FKBP15: variants seen among roughly 807,000 people sequenced by gnomAD.
FKBP15 encodes the protein FKBP prolyl isomerase family member 15.
Under a neutral mutation model 158.1 loss-of-function variants are expected in FKBP15, and 106 were observed. The ratio of observed to expected loss-of-function variants is 0.67; its 90% CI spans 0.57 to 0.79. The LOEUF (loss-of-function observed/expected upper bound fraction) is 0.79, where lower values mean the gene tolerates loss of function less well. Ranked by LOEUF, FKBP15 falls within the 30% of genes least tolerant of loss-of-function variation. FKBP15 has a pLI of 0.00. For synonymous variants in FKBP15, 547 were observed against 548.6 expected (o/e 1.00, Z 0.04); for missense variants, 1,287 against 1,479.1 (o/e 0.87, Z 2.13).
chr9:113,195,220 T>C (rs1830653095), intron 9 of FKBP15, among the ~76,000 whole-genome samples: 1 of 152,214 alleles, frequency 6.6e-6, no homozygotes, highest in Non-Finnish European at 1.5e-5. Context: ...TATATACCAT[T>C]AAATTTCCCA....
intron 9 of FKBP15, among the ~76,000 whole-genome samples, chr9:113,196,190 CCAGT>C (rs1830678111): frequency 6.6e-6 from 1 of 151,918 alleles, no homozygotes; most frequent in African/African-American, 2.4e-5. Context: ...TAGGTTGTTG[CCAGT>C]TTTTTGCTAT....
At position 113,164,999 on chromosome 9, in the gene FKBP15, T is replaced by C. The variant is rs1386202550; in HGVS notation, c.*1079A>G. ...GAAGTGGAATTTTGGGTCCTATCTT[T>C]TAAAACATTTAAAATCAAGAAACAT... On this transcript the variant is annotated 3_prime_UTR_variant, in exon 28 of 28. Transcript: ENST00000238256. 1.3e-5 allele frequency: 2 copies of C among 152,190 alleles called. No individual in the cohort carries two copies. The highest frequency in any genetic ancestry group is 2.4e-5 in the African/African-American group (1 of 41,436). The allele number at this position is 152,190 out of a possible 1,614,324, so 9.4% of individuals were successfully genotyped here.
rs1830053970 is a variant in FKBP15, at chr9:113,163,731, GT to G, written c.*2346del. ...GCAGGAAGAAGATGATCTGATGGCC[GT>G]GGGTGTCTGGGAAGCTCTTCGTGGC... is the stretch of plus-strand genomic sequence containing the variant. On this transcript the variant is annotated 3_prime_UTR_variant, in exon 28 of 28. Coordinates refer to ENST00000238256, the MANE Select transcript of FKBP15 (RefSeq NM_015258.2). 6.6e-6 allele frequency: 1 copy of G among 152,442 alleles called. No individual in the cohort carries two copies. The highest frequency in any genetic ancestry group is 2.4e-5 in the African/African-American group (1 of 41,442). The allele number at this position is 152,442 out of a possible 1,614,324, so 9.4% of individuals were successfully genotyped here.
At chr9:113,218,377 T>TTATATATATA (rs10539484) in intron 1 of FKBP15, among the ~76,000 whole-genome samples, 1,481 of 100,966 alleles carry the variant, frequency 0.015, 28 homozygotes, top group African/African-American at 0.018. Flanking sequence ...GTAAATACAA[T>TTATATATATA]TATATATATA....
intron 1 of FKBP15, among the ~76,000 whole-genome samples, chr9:113,219,563 A>C (rs1831208012): frequency 6.6e-6 from 1 of 152,216 alleles, no homozygotes; most frequent in Non-Finnish European, 1.5e-5. Flanking sequence ...GCTGTTGTCT[A>C]TGTCTAGGAG....
intron 19 of FKBP15, among the ~76,000 whole-genome samples, chr9:113,179,241 T>C (rs1453658833): frequency 6.6e-6 from 1 of 152,178 alleles, no homozygotes; most frequent in Non-Finnish European, 1.5e-5. Flanking sequence ...TTCCTTATTA[T>C]CATTTGTCTC....
chr9:113,170,655 G>T, intron 24 of FKBP15, 26 bp from the exon 25 acceptor site: 1 of 1,550,030 alleles, frequency 6.5e-7, no homozygotes. Context: ...AACACATGCT[G>T]TCAAAATCAA....
chr9:113,177,482 C>T (rs1279941624), intron 20 of FKBP15, among the ~76,000 whole-genome samples: 1 of 152,166 alleles, frequency 6.6e-6, no homozygotes, highest in Non-Finnish European at 1.5e-5. Flanking sequence ...CCCAGTCATG[C>T]TCTAAAAGGG....
chr9:113,191,120 G>A (rs1202407660), intron 11 of FKBP15, among the ~76,000 whole-genome samples: 1 of 152,042 alleles, frequency 6.6e-6, no homozygotes, highest in Admixed American at 6.6e-5. Context: ...ACCTGAAGGT[G>A]CACAATATGA....
In FKBP15 at chr9:113,184,329, G is replaced by C; in HGVS notation, c.1679C>G (p.Thr560Arg). The change falls in exon 17 of 28, where the codon ACA (threonine) becomes AGA (arginine). Residue 560 changes from threonine (T) to arginine (R), a missense_variant. Thr to Arg is a moderately conservative substitution (Grantham distance 71). Coordinates refer to ENST00000238256, the MANE Select transcript of FKBP15 (RefSeq NM_015258.2). This position sits in a 1 kb window ranked among gnomAD's most constrained non-coding sequence, Gnocchi z 4.5. The stretch of plus-strand genomic sequence containing the variant: ...CTGGATGTTGCTCATAATCATGCTT[G>C]TTTCCATTGTAACTGACATGCTAGG... ...LIPSMSVTMETSMIMSNIQRI... is the reference protein window; with the variant it reads ...LIPSMSVTMERSMIMSNIQRI... The C allele has an allele frequency of 6.2e-7, 1 of 1,605,446 alleles. No homozygotes were observed. Among genetic ancestry groups the C allele is most frequent in the East Asian group, 2.2e-5 (1 of 44,736 alleles).
intron 14 of FKBP15, 45 bp downstream of exon 14, chr9:113,187,748 C>A: frequency 6.9e-7 from 1 of 1,455,862 alleles, no homozygotes; most frequent in East Asian, 2.3e-5. Context: ...TGACTAGAAC[C>A]ACAGCAAATT....
Position 113,170,515 on chromosome 9 carries a change from G to C in FKBP15, c.2766+7C>G. 1 of 1,583,202 alleles carries C rather than the reference G, an allele frequency of 6.3e-7. No homozygotes were observed. Among genetic ancestry groups the C allele is most frequent in the African/African-American group, 1.3e-5 (1 of 74,400 alleles). On this transcript the variant is annotated splice_region_variant and intron_variant, in intron 25 of 27. Transcript: ENST00000238256. Reference sequence around the variant, plus strand: ...CGATGAAACAAATGACAGCTGGCTGGCTGTACCTTGATCGTATTCATGATG... The same window carrying C: ...CGATGAAACAAATGACAGCTGGCTGCCTGTACCTTGATCGTATTCATGATG...
At chr9:113,169,137 A>G in intron 26 of FKBP15, 87 bp downstream of exon 26, 1 of 1,475,238 alleles carries the variant, frequency 6.8e-7, no homozygotes, top group Non-Finnish European at 9.0e-7. Context: ...TTAGTCTCTG[A>G]GGGATGAGTT....
At position 113,169,560 on chromosome 9, in the gene FKBP15, C is replaced by T. The variant is rs1371130266; in HGVS notation, c.3149G>A (p.Gly1050Asp). Residue 1050 changes from glycine to aspartate, a missense_variant, in exon 26 of 28, where the codon GGC becomes GAC. Coordinates refer to ENST00000238256, the MANE Select transcript of FKBP15 (RefSeq NM_015258.2). ...ACACTCAGAGTCCATGGATACAGGG[C>T]CTAGGGGCTCAGGTGGAATTGAAGT... The part of the protein sequence containing the change: ...PPTSIPPEPL[G>D]PVSMDSECEE... 2 of 1,613,910 alleles carry T rather than the reference C, an allele frequency of 1.2e-6. No individual in the cohort carries two copies. The highest frequency in any genetic ancestry group is 1.3e-5 in the African/African-American group (1 of 74,924).
intron 3 of FKBP15, chr9:113,206,923 C>G (rs771542112): frequency 9.6e-6 from 4 of 417,322 alleles, no homozygotes; most frequent in Non-Finnish European, 1.7e-5. Context: ...TTCCCTTACT[C>G]TTTAAATATA....
chr9:113,210,904 C>T (rs576695458), intron 2 of FKBP15, among the ~76,000 whole-genome samples: 1 of 152,206 alleles, frequency 6.6e-6, no homozygotes, highest in Non-Finnish European at 1.5e-5. Context: ...CTTGGACTTA[C>T]ACTAGCGGTT....
chr9:113,212,662 C>T (rs899800488), intron 1 of FKBP15, among the ~76,000 whole-genome samples: 1 of 152,150 alleles, frequency 6.6e-6, no homozygotes, highest in African/African-American at 2.4e-5. Flanking sequence ...TAATGCAATC[C>T]CTGGCTTGTT....
At chr9:113,167,627 C>A (rs771167624) in intron 27 of FKBP15, among the ~76,000 whole-genome samples, 2 of 152,196 alleles carry the variant, frequency 1.3e-5, no homozygotes, top group Non-Finnish European at 2.9e-5. Flanking sequence ...GCAAAATCCA[C>A]TCTGGCTGAT....
In FKBP15 at chr9:113,207,320, G is replaced by C. The variant is rs764302800; in HGVS notation, c.170-24C>G. On this transcript the variant is annotated intron_variant, in intron 2 of 27. Coordinates refer to ENST00000238256, the MANE Select transcript of FKBP15 (RefSeq NM_015258.2). Reference sequence around the variant, plus strand: ...TCCTGAAGATGAACAAGAAAACAAAGTTGTCATTCACTTCTTGCTTTAAAC... The same window carrying C: ...TCCTGAAGATGAACAAGAAAACAAACTTGTCATTCACTTCTTGCTTTAAAC... 3.2e-6 allele frequency: 5 copies of C among 1,555,478 alleles called. No homozygotes were observed. The Admixed American group carries it at 9.0e-5, about 28-fold the overall frequency.
Sources: gnomAD v4.1 joint callset for allele counts (sites outside exome capture counted in the v4.1 genomes callset) on GRCh38, gnomAD v4.1.1 for gene constraint, Gnocchi (gnomAD v3.1) non-coding constraint, MANE v1.5 for transcripts, NCBI Gene and HGNC (gene_info 2026-07-23, HGNC 2026-07-21) for gene names.